Variants in CCDC68 observed in about 807,000 individuals in gnomAD.
CCDC68 encodes coiled-coil domain containing 68.
In CCDC68, 45 loss-of-function variants were observed where a neutral mutation model predicts 47.1. The ratio of observed to expected loss-of-function variants is 0.96; its 90% CI spans 0.75 to 1.23. The LOEUF is 1.23. CCDC68 is among the 50% of genes most tolerant of loss of function. The probability of loss-of-function intolerance (pLI) is 0.00; values close to 1 mark genes in which losing one functional copy is unlikely to be tolerated. For synonymous variants in CCDC68, 131 were observed against 129.5 expected (o/e 1.01, Z -0.08); for missense variants, 353 against 373.6 (o/e 0.94, Z 0.45).
chr18:54,941,456 A>T (rs189385545), intron 3 of CCDC68, among the ~76,000 whole-genome samples: 20 of 152,188 alleles, frequency 1.3e-4, no homozygotes, highest in African/African-American at 4.6e-4. Flanking sequence ...ATTACTACTT[A>T]GTAATCACTA....
intron 10 of CCDC68, among the ~76,000 whole-genome samples, chr18:54,917,296 G>A (rs963913068): frequency 6.6e-6 from 1 of 152,142 alleles, no homozygotes; most frequent in African/African-American, 2.4e-5. Flanking sequence ...AAGAAAGGAG[G>A]AAAGAGGACA....
At chr18:54,957,048 A>G (rs865819260) in intron 1 of CCDC68, among the ~76,000 whole-genome samples, 7 of 152,174 alleles carry the variant, frequency 4.6e-5, no homozygotes, top group African/African-American at 1.4e-4. Context: ...ATATAATTTA[A>G]TGGATAGATG....
At chr18:54,940,769 C>T (rs866330742) in intron 4 of CCDC68, among the ~76,000 whole-genome samples, 1 of 152,306 alleles carries the variant, frequency 6.6e-6, no homozygotes, top group South Asian at 2.1e-4. Flanking sequence ...CATTTACTTT[C>T]GATAAGTAAG....
chr18:54,919,458 A>G lies in CCDC68; in HGVS notation c.684-82T>C. The G allele has an allele frequency of 3.5e-6, 4 of 1,149,966 alleles. 1 individual carries two copies. In the East Asian group the frequency reaches 9.4e-5, roughly 27 times the overall value. The allele number at this position is 1,149,966 out of a possible 1,614,324, so 71.2% of individuals were successfully genotyped here. A position where few individuals can be genotyped will look rare whatever the true frequency, so the allele number is the denominator to read the frequency against. On this transcript the variant is annotated intron_variant, in intron 8 of 11. Transcript: ENST00000591504. ...GCTCGTCCTTACTGCTAGCCCTCCTACACACTCTACTGCTACTGGGGATCA... is the reference window on the plus strand; with the variant it reads ...GCTCGTCCTTACTGCTAGCCCTCCTGCACACTCTACTGCTACTGGGGATCA...
chr18:54,902,591 C>A lies in CCDC68; in HGVS notation c.*1767G>T, dbSNP rs564671842. The A allele has an allele frequency of 5.3e-5, 8 of 152,300 alleles. 1 individual carries two copies. The highest frequency in any genetic ancestry group is 3.9e-4 in the Admixed American group (6 of 15,300). 9.4% of individuals were successfully genotyped at this position (152,300 alleles called of 1,614,324 possible). A position where few individuals can be genotyped will look rare whatever the true frequency, so the allele number is the denominator to read the frequency against. On this transcript the variant is annotated 3_prime_UTR_variant, in exon 12 of 12. Coordinates refer to ENST00000591504, the MANE Select transcript of CCDC68 (RefSeq NM_025214.3). ...GAAGTTTGTCTGAACTGAGTTCTCA[C>A]AATGGTAGTCCAGCTGGTGAAAGAT...
rs147381239 is a variant in CCDC68, at chr18:54,915,382, A to T, written c.873+2531T>A. Among the ~76,000 whole-genome samples, 562 of 152,354 alleles carry T rather than the reference A, an allele frequency of 3.7e-3. 7 individuals are homozygous for T. Among genetic ancestry groups the T allele is most frequent in the African/African-American group, 0.013 (533 of 41,572 alleles). Reference sequence around the variant, plus strand: ...TAAGTGTAGAAGTAATTACATAATTAGTGATGTGGAAAAATGAATGAAAGT... The same window carrying T: ...TAAGTGTAGAAGTAATTACATAATTTGTGATGTGGAAAAATGAATGAAAGT... On this transcript the variant is annotated intron_variant, in intron 10 of 11. Coordinates refer to ENST00000591504, the MANE Select transcript of CCDC68 (RefSeq NM_025214.3).
At chr18:54,939,683 A>G (rs2044405200) in intron 4 of CCDC68, among the ~76,000 whole-genome samples, 1 of 152,182 alleles carries the variant, frequency 6.6e-6, no homozygotes, top group Admixed American at 6.5e-5. Context: ...GTGGGCATTC[A>G]GTCCGCAATT....
intron 8 of CCDC68, among the ~76,000 whole-genome samples, chr18:54,922,484 C>T (rs1173345644): frequency 6.6e-6 from 1 of 152,126 alleles, no homozygotes; most frequent in Non-Finnish European, 1.5e-5. Flanking sequence ...TTGCTGCGAA[C>T]ATGCAGAGGA....
In CCDC68 at chr18:54,941,781, C is replaced by T. The variant is rs538244592; in HGVS notation, c.118-698G>A. Among the ~76,000 whole-genome samples, 5 of 152,186 alleles carry T rather than the reference C, an allele frequency of 3.3e-5. No individual in the cohort carries two copies. In the South Asian group the frequency reaches 1.0e-3, roughly 32 times the overall value. ...TAGGAGCCAGGTTTATACTCTACAA[C>T]ATTATTTTATTTTTTATTATTATAA... On this transcript the variant is annotated intron_variant, in intron 3 of 11. Transcript: ENST00000591504.
chr18:54,905,503 TAG>T (rs1309785987), intron 11 of CCDC68, among the ~76,000 whole-genome samples: 1 of 151,338 alleles, frequency 6.6e-6, no homozygotes, highest in Non-Finnish European at 1.5e-5. Context: ...AGAGAATGTG[TAG>T]AGATTTGCCA....
chr18:54,914,562 G>A (rs1182604206), intron 10 of CCDC68, among the ~76,000 whole-genome samples: 3 of 152,074 alleles, frequency 2.0e-5, no homozygotes, highest in East Asian at 1.9e-4. Context: ...AGGCTGCAGT[G>A]AGCCGAGATC....
At chr18:54,953,923 G>A (rs2044663598) in intron 1 of CCDC68, among the ~76,000 whole-genome samples, 1 of 151,214 alleles carries the variant, frequency 6.6e-6, no homozygotes, top group South Asian at 2.1e-4. Flanking sequence ...TACACTGTTG[G>A]ATCGATGATG....
At chr18:54,947,325 G>A (rs561915264) in intron 1 of CCDC68, among the ~76,000 whole-genome samples, 7 of 152,358 alleles carry the variant, frequency 4.6e-5, no homozygotes, top group Admixed American at 3.9e-4. Context: ...TCCCAGGGAG[G>A]AGGCAGAGGG....
At chr18:54,910,021 G>A (rs774466851) in intron 10 of CCDC68, among the ~76,000 whole-genome samples, 41 of 152,254 alleles carry the variant, frequency 2.7e-4, no homozygotes, top group Non-Finnish European at 5.3e-4. Context: ...CAACCAGGAA[G>A]AATGAGGTAC....
In CCDC68 at chr18:54,936,845, T is replaced by C. The variant is rs1407248397; in HGVS notation, c.459A>G (p.Lys153=). The C allele has an allele frequency of 6.2e-7, 1 of 1,614,012 alleles. No individual in the cohort carries two copies. The highest frequency in any genetic ancestry group is 1.3e-5 in the African/African-American group (1 of 74,926). ...GCATGTTTGGTACCTGGAGTAATTG[T>C]TTACTGTCCTCCTGCTTCTTTCTCA... ...EEVRKKQEDS[K]QLLQVNKLEK... The change falls in exon 6 of 12, where the codon AAA becomes AAG. Residue 153 remains lysine, a synonymous_variant. Transcript: ENST00000591504.
In CCDC68 at chr18:54,904,321, A is replaced by T. The variant is rs914631605; in HGVS notation, c.*37T>A. On this transcript the variant is annotated 3_prime_UTR_variant, in exon 12 of 12. Coordinates refer to ENST00000591504, the MANE Select transcript of CCDC68 (RefSeq NM_025214.3). ...GTGTTTCAGAGAATAAATAAGACTC[A>T]CGCAGTCTTTCTAAATCAGATCTTC... 7.6e-5 allele frequency: 114 copies of T among 1,491,698 alleles called. No individual in the cohort carries two copies. Among genetic ancestry groups the T allele is most frequent in the Non-Finnish European group, 1.1e-4 (113 of 1,069,290 alleles). The allele number at this position is 1,491,698 out of a possible 1,614,324, so 92.4% of individuals were successfully genotyped here.
At position 54,907,554 on chromosome 18, in the gene CCDC68, A is replaced by G. The variant is rs571385747; in HGVS notation, c.950+232T>C. On this transcript the variant is annotated intron_variant, in intron 11 of 11. Coordinates refer to ENST00000591504, the MANE Select transcript of CCDC68 (RefSeq NM_025214.3). ...GGGCTTGTTAATTAGGGCAAAGAAGAAAAAAAGAGATATCTAAATTTGTTC... is the reference window on the plus strand; with the variant it reads ...GGGCTTGTTAATTAGGGCAAAGAAGGAAAAAAGAGATATCTAAATTTGTTC... Among the ~76,000 whole-genome samples, 6 of 151,924 alleles carry G rather than the reference A, an allele frequency of 3.9e-5. No individual in the cohort carries two copies. In the South Asian group the frequency reaches 1.2e-3, roughly 31 times the overall value.
chr18:54,912,627 C>T (rs969269353), intron 10 of CCDC68, among the ~76,000 whole-genome samples: 6 of 152,136 alleles, frequency 3.9e-5, no homozygotes, highest in Non-Finnish European at 8.8e-5. Context: ...ATTTCACAAA[C>T]ATGTATACAC....
intron 8 of CCDC68, among the ~76,000 whole-genome samples, chr18:54,920,078 A>G (rs1225234978): frequency 6.6e-6 from 1 of 152,156 alleles, no homozygotes; most frequent in East Asian, 1.9e-4. Context: ...AATTGGTTGT[A>G]CTGTTTTGGC....
Sources: allele counts gnomAD v4.1 joint callset (sites outside exome capture counted in the v4.1 genomes callset), GRCh38; gene constraint gnomAD v4.1.1; transcripts MANE v1.5; gene names NCBI Gene and HGNC (gene_info 2026-07-23, HGNC 2026-07-21).